Variants in SESTD1 observed in about 807,000 individuals in gnomAD.
SESTD1 encodes SEC14 domain and spectrin repeat-containing protein 1.
Under a neutral mutation model 101.7 loss-of-function variants are expected in SESTD1, and 43 were observed. The ratio of observed to expected loss-of-function variants is 0.42; its 90% confidence interval spans 0.33 to 0.55. SESTD1 has a LOEUF of 0.55. Among genes scored for constraint, SESTD1 ranks in the 20% least tolerant of loss-of-function variants. SESTD1 has a pLI of 0.07. For synonymous variants in SESTD1, 283 were observed against 286.8 expected (o/e 0.99, Z 0.13); for missense variants, 647 against 815.1 (o/e 0.79, Z 2.51).
chr2:179,166,775 C>A (rs1431940459), intron 5 of SESTD1, among the ~76,000 whole-genome samples: 1 of 152,144 alleles, frequency 6.6e-6, no homozygotes, highest in Non-Finnish European at 1.5e-5. Flanking sequence ...GCAAACCAGC[C>A]CCCATCTTCA....
chr2:179,160,871 G>T (rs2045722803), intron 5 of SESTD1, among the ~76,000 whole-genome samples: 1 of 151,640 alleles, frequency 6.6e-6, no homozygotes, highest in Non-Finnish European at 1.5e-5. Context: ...TTTAAAAAAG[G>T]ATTTACTTAT....
chr2:179,165,834 T>C (rs1241924813), intron 5 of SESTD1, among the ~76,000 whole-genome samples: 1 of 152,092 alleles, frequency 6.6e-6, no homozygotes, highest in Non-Finnish European at 1.5e-5. Flanking sequence ...AAGAGAAAAG[T>C]GGGAAAAAAT....
chr2:179,145,828 G>A (rs1295185430), intron 8 of SESTD1, among the ~76,000 whole-genome samples: 1 of 152,068 alleles, frequency 6.6e-6, no homozygotes, highest in East Asian at 1.9e-4. Context: ...GGCTTGTTAG[G>A]AGAATGAAAA....
chr2:179,243,018 T>C (rs2047178029), intron 1 of SESTD1, among the ~76,000 whole-genome samples: 1 of 152,128 alleles, frequency 6.6e-6, no homozygotes, highest in African/African-American at 2.4e-5. Context: ...ACAGACAACC[T>C]ACAAAATGGA....
intron 9 of SESTD1, among the ~76,000 whole-genome samples, chr2:179,133,380 G>T (rs2045056481): frequency 6.6e-6 from 1 of 152,118 alleles, no homozygotes; most frequent in South Asian, 2.1e-4. Flanking sequence ...TAGTAACGTA[G>T]TTGACATTCC....
chr2:179,155,713 G>A (rs1381279658), intron 5 of SESTD1, among the ~76,000 whole-genome samples: 1 of 151,828 alleles, frequency 6.6e-6, no homozygotes, highest in Non-Finnish European at 1.5e-5. Context: ...TCTCTCTTTT[G>A]AGAAATCCCA....
intron 12 of SESTD1, 150 bp downstream of exon 12, chr2:179,123,565 T>C (rs899681285): frequency 9.8e-6 from 6 of 609,676 alleles, no homozygotes; most frequent in African/African-American, 7.4e-5. Context: ...TTATAACCCC[T>C]CAAGGGAATA....
At chr2:179,137,848 A>G (rs1008097658) in intron 9 of SESTD1, among the ~76,000 whole-genome samples, 3 of 152,224 alleles carry the variant, frequency 2.0e-5, no homozygotes, top group Non-Finnish European at 2.9e-5. Flanking sequence ...AGAGATACTC[A>G]GTTTATAATT....
At chr2:179,125,201 T>C (rs999517050) in intron 10 of SESTD1, among the ~76,000 whole-genome samples, 1 of 152,174 alleles carries the variant, frequency 6.6e-6, no homozygotes, top group African/African-American at 2.4e-5. Context: ...CAAAAATCTG[T>C]TTCATGAAAC....
At chr2:179,119,937 T>G (rs896837905) in intron 13 of SESTD1, among the ~76,000 whole-genome samples, 1 of 152,116 alleles carries the variant, frequency 6.6e-6, no homozygotes. Context: ...TCTTTAAAAA[T>G]TACCCAGTCT....
chr2:179,255,411 C>A (rs1422688247), intron 1 of SESTD1, among the ~76,000 whole-genome samples: 1 of 152,176 alleles, frequency 6.6e-6, no homozygotes, highest in East Asian at 1.9e-4. Flanking sequence ...AGTGAAACAG[C>A]CACATTGTTA....
chr2:179,200,674 T>G (rs182422400), intron 1 of SESTD1, among the ~76,000 whole-genome samples: 151 of 148,392 alleles, frequency 1.0e-3, no homozygotes, highest in African/African-American at 1.5e-3. Context: ...AATGGGGAAA[T>G]GATTCACTAT....
chr2:179,249,094 GAA>G (rs1198155036), intron 1 of SESTD1, among the ~76,000 whole-genome samples: 4 of 58,676 alleles, frequency 6.8e-5, no homozygotes, highest in African/African-American at 1.2e-4. Flanking sequence ...CCGTCTTTAA[GAA>G]AAAAAAAAAA....
rs2044414148 is a variant in SESTD1 at position 179,107,693 on chromosome 2, T to C, written c.*2206A>G. ...ACTGCAATGTAACAGGGATTATTAC[T>C]AATGCCTATAATACAGCATTCATAT... On this transcript the variant is annotated 3_prime_UTR_variant, in exon 18 of 18. Coordinates refer to ENST00000428443, the MANE Select transcript of SESTD1 (RefSeq NM_178123.5). 6.6e-6 allele frequency: 1 copy of C among 152,168 alleles called. No homozygotes were observed. The highest frequency in any genetic ancestry group is 1.5e-5 in the Non-Finnish European group (1 of 68,012). 9.4% of individuals were successfully genotyped at this position (152,168 alleles called of 1,614,324 possible).
chr2:179,154,095 A>G (rs1218789933), intron 5 of SESTD1, among the ~76,000 whole-genome samples: 1 of 151,648 alleles, frequency 6.6e-6, no homozygotes, highest in East Asian at 1.9e-4. Context: ...AAAAAAAAAA[A>G]AAAGGTGTGT....
chr2:179,218,895 G>A (rs1553528042), intron 1 of SESTD1, among the ~76,000 whole-genome samples: 1 of 152,150 alleles, frequency 6.6e-6, no homozygotes, highest in Non-Finnish European at 1.5e-5. Flanking sequence ...GACATTTCTG[G>A]CATTCCCAAA....
intron 5 of SESTD1, among the ~76,000 whole-genome samples, chr2:179,165,844 T>A (rs2045824442): frequency 6.6e-6 from 1 of 152,104 alleles, no homozygotes; most frequent in African/African-American, 2.4e-5. Flanking sequence ...TGGGAAAAAA[T>A]TCTGGCATCT....
intron 5 of SESTD1, among the ~76,000 whole-genome samples, chr2:179,167,400 A>G (rs796551201): frequency 2.0e-5 from 3 of 152,354 alleles, no homozygotes; most frequent in African/African-American, 7.2e-5. Context: ...AAAATTTCAA[A>G]TATTTTATCA....
At chr2:179,222,470 G>A (rs1342940377) in intron 1 of SESTD1, among the ~76,000 whole-genome samples, 2 of 151,642 alleles carry the variant, frequency 1.3e-5, no homozygotes, top group Non-Finnish European at 2.9e-5. Flanking sequence ...CTAATTACTG[G>A]TTTACCAGTT....
Sources: allele counts gnomAD v4.1 joint callset (sites outside exome capture counted in the v4.1 genomes callset), GRCh38; gene constraint gnomAD v4.1.1; transcripts MANE v1.5; gene names NCBI Gene and HGNC (gene_info 2026-07-23, HGNC 2026-07-21).